Variants in MPP7 observed in about 807,000 individuals in gnomAD.
MPP7 encodes the protein MAGUK p55 scaffold protein 7.
Under a neutral mutation model 76.5 loss-of-function variants are expected in MPP7, and 60 were observed. The observed-to-expected ratio is 0.78, with a 90% CI of 0.64 to 0.97. The LOEUF (loss-of-function observed/expected upper bound fraction) is 0.97, where lower values mean the gene tolerates loss of function less well. Ranked by LOEUF, MPP7 falls within the 50% of genes least tolerant of loss-of-function variation. The pLI is 0.00. For synonymous variants in MPP7, 237 were observed against 244.5 expected (o/e 0.97, Z 0.29); for missense variants, 641 against 694.0 (o/e 0.92, Z 0.86).
intron 1 of MPP7, among the ~76,000 whole-genome samples, chr10:28,293,580 T>C (rs547913205): frequency 6.6e-6 from 1 of 152,018 alleles, no homozygotes; most frequent in Non-Finnish European, 1.5e-5. Flanking sequence ...AAAGATACAA[T>C]AAAATAAGGT....
At chr10:28,254,051 C>A (rs1233009749) in intron 1 of MPP7, among the ~76,000 whole-genome samples, 1 of 146,966 alleles carries the variant, frequency 6.8e-6, no homozygotes, top group Non-Finnish European at 1.5e-5. Context: ...TTGCTATATC[C>A]ATTCTTATGG....
At chr10:28,258,729 A>T (rs1017927954) in intron 1 of MPP7, among the ~76,000 whole-genome samples, 2 of 152,048 alleles carry the variant, frequency 1.3e-5, no homozygotes, top group African/African-American at 4.8e-5. Context: ...AATATATTAC[A>T]TTTTACTCCT....
intron 1 of MPP7, among the ~76,000 whole-genome samples, chr10:28,262,593 AATCTGAT>A (rs1308937444): frequency 1.3e-5 from 2 of 152,082 alleles, no homozygotes; most frequent in Admixed American, 1.3e-4. Context: ...GACATTTTTT[AATCTGAT>A]GAAAACTATG....
At chr10:28,230,169 A>G (rs1401949955) in intron 2 of MPP7, among the ~76,000 whole-genome samples, 1 of 152,176 alleles carries the variant, frequency 6.6e-6, no homozygotes, top group Non-Finnish European at 1.5e-5. Context: ...GGAAAAATGA[A>G]AATGATAGAA....
At chr10:28,230,216 A>G (rs994427403) in intron 2 of MPP7, among the ~76,000 whole-genome samples, 6 of 152,190 alleles carry the variant, frequency 3.9e-5, no homozygotes, top group Admixed American at 3.3e-4. Context: ...TAAGTAATAG[A>G]AAGAAAGAAT....
chr10:28,064,822 TG>T (rs1250097165), intron 13 of MPP7, among the ~76,000 whole-genome samples: 2 of 152,080 alleles, frequency 1.3e-5, no homozygotes, highest in Non-Finnish European at 2.9e-5. Flanking sequence ...GTCTTTAAAA[TG>T]AAATGTCACA....
intron 7 of MPP7, among the ~76,000 whole-genome samples, chr10:28,124,466 AT>A (rs5784042): frequency 3.0e-3 from 243 of 80,050 alleles, no homozygotes; most frequent in African/African-American, 9.4e-3. Context: ...AAGAAACAAG[AT>A]TTTTTTTTTT....
At chr10:28,289,734 G>A (rs1372501061) in intron 1 of MPP7, among the ~76,000 whole-genome samples, 1 of 152,154 alleles carries the variant, frequency 6.6e-6, no homozygotes. Flanking sequence ...GGTTTTAGGG[G>A]CAGGGGCAAG....
chr10:28,169,302 G>T (rs1836596539), intron 3 of MPP7, among the ~76,000 whole-genome samples: 1 of 146,056 alleles, frequency 6.8e-6, no homozygotes, highest in South Asian at 2.1e-4. Context: ...ACCAGCCTGA[G>T]CAACACAACA....
intron 5 of MPP7, among the ~76,000 whole-genome samples, chr10:28,147,215 T>C (rs1244369418): frequency 2.0e-5 from 3 of 152,234 alleles, no homozygotes; most frequent in Non-Finnish European, 4.4e-5. Flanking sequence ...TAGTGTACTC[T>C]TAACTTTACT....
At chr10:28,253,017 C>A (rs758240557) in intron 1 of MPP7, among the ~76,000 whole-genome samples, 1 of 152,078 alleles carries the variant, frequency 6.6e-6, no homozygotes, top group Non-Finnish European at 1.5e-5. Context: ...AAGCGATTCT[C>A]CTTCCTCAGC....
chr10:28,174,638 C>T (rs1472102037), intron 3 of MPP7, among the ~76,000 whole-genome samples: 1 of 152,128 alleles, frequency 6.6e-6, no homozygotes, highest in Non-Finnish European at 1.5e-5. Flanking sequence ...AACAAAGATA[C>T]CCCGCAACTC....
chr10:28,197,490 A>G (rs1432758012), intron 3 of MPP7, among the ~76,000 whole-genome samples: 1 of 151,966 alleles, frequency 6.6e-6, no homozygotes, highest in Non-Finnish European at 1.5e-5. Flanking sequence ...GCCTAACCTG[A>G]GCAACTCCTA....
chr10:28,215,442 C>G (rs182602016), intron 2 of MPP7, among the ~76,000 whole-genome samples: 145 of 152,172 alleles, frequency 9.5e-4, no homozygotes, highest in African/African-American at 3.2e-3. Context: ...TCTGAAAAGC[C>G]CTATACAAGA....
chr10:28,273,184 C>T (rs1840383056), intron 1 of MPP7, among the ~76,000 whole-genome samples: 1 of 152,190 alleles, frequency 6.6e-6, no homozygotes, highest in African/African-American at 2.4e-5. Context: ...TCCCAAAGTT[C>T]TGGGATTACA....
chr10:28,181,348 A>G lies in MPP7; in HGVS notation c.156+20805T>C, dbSNP rs182640916. Reference sequence around the variant, plus strand: ...ATTCCTATTTTATTGACATGCAGAAATATCAACAATAAACTTCATTTTAAA... The same window carrying G: ...ATTCCTATTTTATTGACATGCAGAAGTATCAACAATAAACTTCATTTTAAA... On this transcript the variant is annotated intron_variant, in intron 3 of 16. Coordinates refer to ENST00000683449, the MANE Select transcript of MPP7 (RefSeq NM_001318170.2). 4.4e-3 allele frequency among the ~76,000 whole-genome samples: 664 copies of G among 152,368 alleles called. 5 individuals are homozygous for G. The highest frequency in any genetic ancestry group is 0.015 in the African/African-American group (644 of 41,584).
intron 1 of MPP7, among the ~76,000 whole-genome samples, chr10:28,290,808 G>A (rs533453418): frequency 1.3e-5 from 2 of 152,156 alleles, no homozygotes; most frequent in Non-Finnish European, 2.9e-5. Context: ...AAGGATTTTA[G>A]GAAAACAGAC....
At chr10:28,152,280 C>A (rs984619342) in intron 3 of MPP7, among the ~76,000 whole-genome samples, 18 of 152,116 alleles carry the variant, frequency 1.2e-4, no homozygotes, top group Non-Finnish European at 2.2e-4. Context: ...TTTAAATGTT[C>A]TAGAATTTCA....
At chr10:28,110,199 C>T (rs1834464452) in intron 11 of MPP7, among the ~76,000 whole-genome samples, 1 of 151,866 alleles carries the variant, frequency 6.6e-6, no homozygotes, top group Admixed American at 6.6e-5. Context: ...AAGCGATTCT[C>T]CTGCCTCTGC....
Sources: gnomAD v4.1 joint callset for allele counts (sites outside exome capture counted in the v4.1 genomes callset) on GRCh38, gnomAD v4.1.1 for gene constraint, MANE v1.5 for transcripts, NCBI Gene and HGNC (gene_info 2026-07-23, HGNC 2026-07-21) for gene names.